Variants in TNS1 observed in about 807,000 individuals in gnomAD.
TNS1 encodes the protein tensin 1.
A neutral mutation model predicts 168.6 loss-of-function variants in TNS1; 62 were observed. That is an observed-to-expected ratio of 0.37 (90% CI 0.30 to 0.45). TNS1 has a LOEUF of 0.45. Among genes scored for constraint, TNS1 ranks in the 20% least tolerant of loss-of-function variants. TNS1 has a pLI of 1.00. For missense variants in TNS1, 2,240 were observed against 2,339.4 expected (o/e 0.96, Z 0.88); for synonymous variants, 934 against 933.2 (o/e 1.00, Z -0.02).
chr2:217,961,414 G>A (rs761318809), intron 3 of TNS1, among the ~76,000 whole-genome samples: 3 of 152,138 alleles, frequency 2.0e-5, no homozygotes, highest in Non-Finnish European at 2.9e-5. Flanking sequence ...TTAAAGGGAA[G>A]AATATCCCAG....
At chr2:217,932,834 C>T (rs1956392032) in intron 3 of TNS1, among the ~76,000 whole-genome samples, 1 of 152,206 alleles carries the variant, frequency 6.6e-6, no homozygotes, top group African/African-American at 2.4e-5. Context: ...AAAATTCACT[C>T]ATGTGGAAAA....
chr2:217,823,097 T>C (rs1352800209), intron 22 of TNS1, among the ~76,000 whole-genome samples: 1 of 152,226 alleles, frequency 6.6e-6, no homozygotes, highest in African/African-American at 2.4e-5. Flanking sequence ...AAGACTGCAA[T>C]GGTCAGAGTT....
At chr2:218,009,759 T>G (rs1958689713) in intron 1 of TNS1, among the ~76,000 whole-genome samples, 1 of 151,942 alleles carries the variant, frequency 6.6e-6, no homozygotes, top group Non-Finnish European at 1.5e-5. Context: ...GAGGGATGCT[T>G]AAAACCCCAG....
intron 2 of TNS1, 156 bp from the exon 3 acceptor site, chr2:217,978,958 C>G (rs796266932): frequency 1.5e-4 from 84 of 560,044 alleles, no homozygotes; most frequent in African/African-American, 1.4e-3. Context: ...AGGGAGGGGA[C>G]GGAGGGGAGC....
In TNS1 at chr2:217,800,369, G is replaced by A. The variant is rs1287277166; in HGVS notation, c.*4090C>T. On this transcript the variant is annotated 3_prime_UTR_variant, in exon 33 of 33. Coordinates refer to ENST00000682258, the MANE Select transcript of TNS1 (RefSeq NM_001387777.1). ...CCCGAGGCCCCCACCCTGCCCCTCT[G>A]GGTGAACCACTTCTCACCTGGGCTA... 1 of 152,226 alleles carries A rather than the reference G, an allele frequency of 6.6e-6. No homozygotes were observed. The highest frequency in any genetic ancestry group is 2.4e-5 in the African/African-American group (1 of 41,438). 9.4% of individuals were successfully genotyped at this position (152,226 alleles called of 1,614,324 possible). A position where few individuals can be genotyped will look rare whatever the true frequency, so the allele number is the denominator to read the frequency against.
chr2:217,849,416 G>A (rs146225229), intron 18 of TNS1, among the ~76,000 whole-genome samples: 5 of 152,336 alleles, frequency 3.3e-5, no homozygotes, highest in Non-Finnish European at 7.3e-5. Flanking sequence ...ATAACTCTCT[G>A]AGCCAGCCTC....
chr2:217,952,508 C>T (rs533423465), intron 3 of TNS1, among the ~76,000 whole-genome samples: 1 of 152,268 alleles, frequency 6.6e-6, no homozygotes, highest in East Asian at 1.9e-4. Flanking sequence ...AGCAGCCTGC[C>T]CAGTGCAGAA....
intron 1 of TNS1, among the ~76,000 whole-genome samples, 193 bp from the exon 2 acceptor site, chr2:217,991,249 G>C (rs1318719632): frequency 2.0e-5 from 3 of 152,164 alleles, no homozygotes; most frequent in Non-Finnish European, 4.4e-5. Context: ...CCAGACTCAG[G>C]TGGGGCCCAT....
chr2:217,858,372 G>A (rs1296891844), intron 18 of TNS1: 6 of 284,436 alleles, frequency 2.1e-5, no homozygotes, highest in African/African-American at 9.2e-5. Context: ...AGGTGGGGTC[G>A]TGACAGAGCC....
At chr2:218,021,920 C>T (rs972800697) in intron 1 of TNS1, among the ~76,000 whole-genome samples, 6 of 152,180 alleles carry the variant, frequency 3.9e-5, no homozygotes, top group South Asian at 2.1e-4. Flanking sequence ...GAAGGGGCAC[C>T]GTGGCTGAGG....
At chr2:218,020,648 T>C (rs1409297595) in intron 1 of TNS1, among the ~76,000 whole-genome samples, 1 of 152,172 alleles carries the variant, frequency 6.6e-6, no homozygotes, top group Non-Finnish European at 1.5e-5. Flanking sequence ...AACTTCTGTG[T>C]CCAGCTGTCA....
chr2:217,845,381 C>T (rs1416030427), intron 19 of TNS1, among the ~76,000 whole-genome samples: 1 of 151,784 alleles, frequency 6.6e-6, no homozygotes, highest in African/African-American at 2.4e-5. Context: ...CTTTTCCACA[C>T]ATTGATCTTG....
At chr2:217,988,534 G>A (rs1256992206) in intron 2 of TNS1, among the ~76,000 whole-genome samples, 1 of 152,218 alleles carries the variant, frequency 6.6e-6, no homozygotes. Context: ...GGAAGGAACC[G>A]TGGGGAAGGG....
intron 19 of TNS1, among the ~76,000 whole-genome samples, chr2:217,841,846 C>A (rs1447246401): frequency 6.6e-6 from 1 of 152,298 alleles, no homozygotes; most frequent in Middle Eastern, 3.4e-3. Context: ...CCTGGGGAAC[C>A]CCTTGTGCTT....
At chr2:217,859,392 C>T (rs1317805677) in intron 18 of TNS1, 3 of 484,356 alleles carry the variant, frequency 6.2e-6, no homozygotes, top group African/African-American at 1.9e-5. Context: ...GGGCAGAGTC[C>T]AGGAGCCAGA....
intron 19 of TNS1, among the ~76,000 whole-genome samples, chr2:217,845,487 A>G (rs1254160250): frequency 6.6e-6 from 1 of 152,242 alleles, no homozygotes; most frequent in Non-Finnish European, 1.5e-5. Flanking sequence ...TTCTGTCATA[A>G]TGACAGGGCT....
chr2:218,005,070 G>A (rs1443481970), upstream of TNS1, among the ~76,000 whole-genome samples: 3 of 152,182 alleles, frequency 2.0e-5, no homozygotes, highest in Non-Finnish European at 4.4e-5. Context: ...CTGCCAGGCT[G>A]CCCTTGTCCC....
intron 2 of TNS1, among the ~76,000 whole-genome samples, chr2:217,987,604 C>T (rs190569142): frequency 1.3e-5 from 2 of 152,336 alleles, no homozygotes; most frequent in Non-Finnish European, 2.9e-5. Flanking sequence ...TTCCTCACTG[C>T]CCCCTGCCTC....
intron 19 of TNS1, among the ~76,000 whole-genome samples, chr2:217,837,321 C>G (rs1359378881): frequency 6.6e-6 from 1 of 152,226 alleles, no homozygotes; most frequent in African/African-American, 2.4e-5. Flanking sequence ...ACAGTGAGGA[C>G]TGCATGTCCC....
Sources: gnomAD v4.1 joint callset for allele counts (sites outside exome capture counted in the v4.1 genomes callset) on GRCh38, gnomAD v4.1.1 for gene constraint, MANE v1.5 for transcripts, NCBI Gene and HGNC (gene_info 2026-07-23, HGNC 2026-07-21) for gene names.